Variants in CLNK observed in about 807,000 individuals in gnomAD.
The protein encoded by CLNK is cytokine-dependent hematopoietic cell linker.
A neutral mutation model predicts 68.6 loss-of-function variants in CLNK; 74 were observed. That is an observed-to-expected ratio of 1.08 (90% CI 0.89 to 1.31). The LOEUF (loss-of-function observed/expected upper bound fraction) is 1.31. CLNK is among the 50% of genes most tolerant of loss of function. CLNK has a pLI of 0.00. For missense variants in CLNK, 553 were observed against 515.3 expected (o/e 1.07, Z -0.71); for synonymous variants, 198 against 172.2 (o/e 1.15, Z -1.17).
intron 18 of CLNK, among the ~76,000 whole-genome samples, chr4:10,498,064 G>A (rs868508164): frequency 6.6e-6 from 1 of 152,174 alleles, no homozygotes; most frequent in Non-Finnish European, 1.5e-5. Flanking sequence ...GCATGGTGGC[G>A]TATGCCTGTA....
intron 2 of CLNK, among the ~76,000 whole-genome samples, chr4:10,640,197 A>C (rs1233910681): frequency 1.3e-5 from 2 of 151,146 alleles, no homozygotes; most frequent in Non-Finnish European, 2.9e-5. Flanking sequence ...GCAGAGTCTT[A>C]CTCTGTCGCC....
chr4:10,699,494 C>CTCTCTATA, the CLNK span, among the ~76,000 whole-genome samples: 10 of 56,984 alleles, frequency 1.8e-4, no homozygotes, highest in South Asian at 7.6e-4. Flanking sequence ...CTCTCTCTCT[C>CTCTCTATA]TATATATATA....
At chr4:10,558,595 C>T in intron 7 of CLNK, 143 bp from the exon 8 acceptor site, 1 of 730,406 alleles carries the variant, frequency 1.4e-6, no homozygotes, top group South Asian at 1.8e-5. Context: ...GGTTGGCTGT[C>T]AACAAACATG....
At chr4:10,629,687 G>A (rs1271309138) in intron 2 of CLNK, among the ~76,000 whole-genome samples, 1 of 152,026 alleles carries the variant, frequency 6.6e-6, no homozygotes, top group Non-Finnish European at 1.5e-5. Flanking sequence ...TGTCTCTCAA[G>A]CCCAACTAGT....
chr4:10,682,422 G>C (rs1316771916), intron 1 of CLNK, among the ~76,000 whole-genome samples: 3 of 152,110 alleles, frequency 2.0e-5, no homozygotes, highest in African/African-American at 7.2e-5. Context: ...CCATGTACTA[G>C]GATTCAGAAA....
At chr4:10,644,571 G>T (rs972572060) in intron 2 of CLNK, among the ~76,000 whole-genome samples, 3 of 152,150 alleles carry the variant, frequency 2.0e-5, no homozygotes, top group African/African-American at 7.2e-5. Flanking sequence ...TATAGTAGAG[G>T]CTCAGGCAGA....
intron 1 of CLNK, among the ~76,000 whole-genome samples, chr4:10,676,059 GTGTGTGTGTGTGTGTGTGTCTA>G (rs780455020): frequency 4.4e-4 from 66 of 150,270 alleles, no homozygotes; most frequent in Non-Finnish European, 6.9e-4. Context: ...GTGTGTGTGT[GTGTGTGTGTGTGTGTGTGTCTA>G]TGTGTGTGTG....
the CLNK span, among the ~76,000 whole-genome samples, chr4:10,731,047 AC>A: frequency 6.6e-6 from 1 of 152,222 alleles, no homozygotes; most frequent in African/African-American, 2.4e-5. Context: ...AATATCCAGC[AC>A]TTCAAACATT....
At chr4:10,688,140 G>A (rs118150746), upstream of CLNK, among the ~76,000 whole-genome samples, 1,139 of 152,270 alleles carry the variant, frequency 7.5e-3, 29 homozygotes, top group East Asian at 0.081. Flanking sequence ...GCATTAGCCC[G>A]CTTGGCTTTT....
intron 4 of CLNK, among the ~76,000 whole-genome samples, chr4:10,581,864 T>C (rs530941203): frequency 6.6e-6 from 1 of 152,168 alleles, no homozygotes; most frequent in Non-Finnish European, 1.5e-5. Flanking sequence ...GGGAACAGTC[T>C]GGATAGTTTT....
intron 8 of CLNK, 103 bp from the exon 9 acceptor site, chr4:10,542,383 G>T: frequency 1.3e-6 from 1 of 771,070 alleles, no homozygotes; most frequent in South Asian, 1.7e-5. Flanking sequence ...AATAATATTG[G>T]TGATAACGTC....
At chr4:10,609,452 G>T (rs988508727) in intron 2 of CLNK, among the ~76,000 whole-genome samples, 1 of 152,172 alleles carries the variant, frequency 6.6e-6, no homozygotes, top group African/African-American at 2.4e-5. Context: ...CCATTGAAAT[G>T]GATCAGACTT....
chr4:10,723,918 G>GAGAGA, the CLNK span, among the ~76,000 whole-genome samples: 15 of 146,724 alleles, frequency 1.0e-4, no homozygotes, highest in African/African-American at 3.9e-4. Flanking sequence ...GAGAGAGAGA[G>GAGAGA]AAGGCAGGGC....
At chr4:10,681,458 G>C (rs1577218328) in intron 1 of CLNK, among the ~76,000 whole-genome samples, 1 of 152,254 alleles carries the variant, frequency 6.6e-6, no homozygotes, top group South Asian at 2.1e-4. Context: ...CACTGTTAAA[G>C]ATTATCATCC....
In CLNK at chr4:10,667,910, G is replaced by T; in HGVS notation, c.-41C>A. 1 of 1,368,372 alleles carries T rather than the reference G, an allele frequency of 7.3e-7. No homozygotes were observed. The highest frequency in any genetic ancestry group is 9.6e-7 in the Non-Finnish European group (1 of 1,044,370). The allele number at this position is 1,368,372 out of a possible 1,614,324, so 84.8% of individuals were successfully genotyped here. A position where few individuals can be genotyped will look rare whatever the true frequency, so the allele number is the denominator to read the frequency against. The stretch of plus-strand genomic sequence containing the variant: ...GCGGGTAAGAGGGATCTTCAATTCA[G>T]CCTGTGGAAACAAAAGCAAACGCGT... On this transcript the variant is annotated splice_region_variant and 5_prime_UTR_variant, in exon 2 of 19. It adds an upstream start codon to the 5' untranslated region. Transcript: ENST00000226951.
intron 7 of CLNK, among the ~76,000 whole-genome samples, chr4:10,563,685 GAT>G (rs1719985682): frequency 6.6e-6 from 1 of 152,154 alleles, no homozygotes; most frequent in Non-Finnish European, 1.5e-5. Context: ...AAGGTGGGTG[GAT>G]CACGAGGTCA....
intron 12 of CLNK, among the ~76,000 whole-genome samples, chr4:10,529,495 C>A (rs1718453072): frequency 6.6e-6 from 1 of 152,302 alleles, no homozygotes; most frequent in East Asian, 1.9e-4. Context: ...TTGTATGCCT[C>A]CCTCTGAAGC....
At chr4:10,537,346 C>T (rs1029915164) in intron 11 of CLNK, among the ~76,000 whole-genome samples, 1 of 152,066 alleles carries the variant, frequency 6.6e-6, no homozygotes, top group Non-Finnish European at 1.5e-5. Context: ...AGTGTGGTGC[C>T]ACACAGCTGT....
chr4:10,668,857 A>C (rs935738058), intron 1 of CLNK, among the ~76,000 whole-genome samples: 2 of 152,120 alleles, frequency 1.3e-5, no homozygotes, highest in Non-Finnish European at 2.9e-5. Context: ...GCCATCTCCC[A>C]TTGGCCAAAC....
Sources: gnomAD v4.1 joint callset for allele counts (sites outside exome capture counted in the v4.1 genomes callset) on GRCh38, gnomAD v4.1.1 for gene constraint, MANE v1.5 for transcripts, NCBI Gene and HGNC (gene_info 2026-07-23, HGNC 2026-07-21) for gene names.